Variants in CCDC170 observed in about 807,000 individuals in gnomAD.
CCDC170 encodes coiled-coil domain-containing protein 170.
A neutral mutation model predicts 72.6 loss-of-function variants in CCDC170; 69 were observed. That is an observed-to-expected ratio of 0.95 (90% CI 0.78 to 1.16). The LOEUF is 1.16. CCDC170 is among the 50% of genes most tolerant of loss of function. CCDC170 has a pLI of 0.00. For missense variants in CCDC170, 852 were observed against 832.5 expected (o/e 1.02, Z -0.29); for synonymous variants, 300 against 303.9 (o/e 0.99, Z 0.13).
intron 5 of CCDC170, among the ~76,000 whole-genome samples, chr6:151,558,998 C>T (rs527683404): frequency 3.2e-4 from 46 of 144,586 alleles, no homozygotes; most frequent in African/African-American, 1.1e-3. Context: ...GGTCATTTAA[C>T]AACATTAATT....
In CCDC170 at chr6:151,618,921, A is replaced by G. The variant is rs1777014133; in HGVS notation, c.*774A>G. Reference sequence around the variant, plus strand: ...AACTACTCAGCAGGAGAAGCACTTGAACCCAGGAGACGGAGGCGGCAGTGA... The same window carrying G: ...AACTACTCAGCAGGAGAAGCACTTGGACCCAGGAGACGGAGGCGGCAGTGA... On this transcript the variant is annotated 3_prime_UTR_variant, in exon 11 of 11. Transcript: ENST00000239374. 1 of 148,750 alleles carries G rather than the reference A, an allele frequency of 6.7e-6. No individual in the cohort carries two copies. Among genetic ancestry groups the G allele is most frequent in the African/African-American group, 2.5e-5 (1 of 40,586 alleles). 9.2% of individuals were successfully genotyped at this position (148,750 alleles called of 1,614,324 possible). A position where few individuals can be genotyped will look rare whatever the true frequency, so the allele number is the denominator to read the frequency against.
chr6:151,504,380 T>G (rs1782037768), intron 1 of CCDC170, among the ~76,000 whole-genome samples: 1 of 152,190 alleles, frequency 6.6e-6, no homozygotes, highest in Non-Finnish European at 1.5e-5. Context: ...GGAGCTTACT[T>G]ACAGTTGAGT....
intron 7 of CCDC170, among the ~76,000 whole-genome samples, chr6:151,587,060 A>G (rs1234421373): frequency 2.0e-5 from 3 of 152,136 alleles, no homozygotes; most frequent in Admixed American, 1.3e-4. Flanking sequence ...CTGGGATTAC[A>G]GGTGTGAGCC....
At chr6:151,601,753 A>C (rs1776713688) in intron 9 of CCDC170, among the ~76,000 whole-genome samples, 1 of 152,156 alleles carries the variant, frequency 6.6e-6, no homozygotes, top group African/African-American at 2.4e-5. Context: ...TGTTGAGGGA[A>C]GCTCATTGTC....
chr6:151,570,899 G>A lies in CCDC170; in HGVS notation c.775-2275G>A, dbSNP rs376392790. 3.3e-5 allele frequency among the ~76,000 whole-genome samples: 5 copies of A among 152,306 alleles called. No homozygotes were observed. In the East Asian group the frequency reaches 7.7e-4, roughly 23 times the overall value. Reference sequence around the variant, plus strand: ...TACAGACATGACTAGTTTAGCAAAGGAAAGGGGAAACCAAGACCTTGAAAA... The same window carrying A: ...TACAGACATGACTAGTTTAGCAAAGAAAAGGGGAAACCAAGACCTTGAAAA... On this transcript the variant is annotated intron_variant, in intron 5 of 10. Transcript: ENST00000239374.
At chr6:151,536,217 A>G in intron 1 of CCDC170, 101 bp from the exon 2 acceptor site, 1 of 1,357,538 alleles carries the variant, frequency 7.4e-7, no homozygotes, top group Non-Finnish European at 1.0e-6. Flanking sequence ...TATTTGGAAT[A>G]CAAAGAATGC....
intron 5 of CCDC170, among the ~76,000 whole-genome samples, chr6:151,560,861 A>C (rs1371897957): frequency 6.6e-6 from 1 of 152,152 alleles, no homozygotes; most frequent in African/African-American, 2.4e-5. Flanking sequence ...ATTACATGCA[A>C]GATGGGTCTC....
At chr6:151,592,647 A>G (rs1396005571) in intron 7 of CCDC170, among the ~76,000 whole-genome samples, 1 of 152,142 alleles carries the variant, frequency 6.6e-6, no homozygotes, top group East Asian at 1.9e-4. Context: ...ATCTTCCACT[A>G]GGTCCCTCCC....
At chr6:151,547,255 A>G (rs903008899) in intron 4 of CCDC170, among the ~76,000 whole-genome samples, 12 of 152,200 alleles carry the variant, frequency 7.9e-5, no homozygotes, top group African/African-American at 2.7e-4. Context: ...TGCTGGAGAG[A>G]TAGCAGTGAA....
intron 9 of CCDC170, among the ~76,000 whole-genome samples, 199 bp downstream of exon 9, chr6:151,596,776 T>C (rs1776632705): frequency 1.3e-5 from 2 of 152,214 alleles, no homozygotes; most frequent in Non-Finnish European, 2.9e-5. Context: ...ATATCTGAAG[T>C]GAAGCCATCA....
intron 5 of CCDC170, among the ~76,000 whole-genome samples, chr6:151,561,914 T>A (rs1776039932): frequency 6.6e-6 from 1 of 152,186 alleles, no homozygotes; most frequent in South Asian, 2.1e-4. Flanking sequence ...TGTTCATTTT[T>A]AAAATTATTT....
intron 5 of CCDC170, among the ~76,000 whole-genome samples, chr6:151,565,844 G>A (rs2115079418): frequency 6.6e-6 from 1 of 152,238 alleles, no homozygotes; most frequent in East Asian, 1.9e-4. Context: ...TTTAAAATCA[G>A]TTAAATCCAT....
At chr6:151,526,618 C>T (rs553924046) in intron 1 of CCDC170, among the ~76,000 whole-genome samples, 19 of 150,284 alleles carry the variant, frequency 1.3e-4, no homozygotes, top group South Asian at 6.4e-4. Flanking sequence ...TGGGTCCAAG[C>T]GATTCTCCTG....
chr6:151,499,110 G>T (rs1047466871), intron 1 of CCDC170, among the ~76,000 whole-genome samples: 10 of 134,200 alleles, frequency 7.5e-5, no homozygotes, highest in South Asian at 2.5e-4. Context: ...TTCTAGGCAT[G>T]CTGTATAAGT....
At chr6:151,522,751 G>A (rs1386125169) in intron 1 of CCDC170, among the ~76,000 whole-genome samples, 2 of 152,148 alleles carry the variant, frequency 1.3e-5, no homozygotes, top group African/African-American at 4.8e-5. Context: ...TGTTATATTC[G>A]AGTGCTATTC....
intron 9 of CCDC170, among the ~76,000 whole-genome samples, chr6:151,598,591 A>T (rs1776658981): frequency 6.6e-6 from 1 of 152,182 alleles, no homozygotes. Flanking sequence ...TCACAAGTCA[A>T]ATAATAGATA....
At position 151,543,512 on chromosome 6, in the gene CCDC170, C is replaced by T. The variant is rs145649733; in HGVS notation, c.444-1060C>T. On this transcript the variant is annotated intron_variant, in intron 3 of 10. Transcript: ENST00000239374. ...AAACTAAATTCTTGTTAACTGTATT[C>T]ACCCTACTGTGCTACAGAACACTAG... Among the ~76,000 whole-genome samples, 43 of 152,212 alleles carry T rather than the reference C, an allele frequency of 2.8e-4. No individual in the cohort carries two copies. The East Asian group carries it at 7.5e-3, about 27-fold the overall frequency.
At chr6:151,582,618 G>T (rs186229753) in intron 6 of CCDC170, among the ~76,000 whole-genome samples, 2 of 152,312 alleles carry the variant, frequency 1.3e-5, no homozygotes, top group East Asian at 3.9e-4. Context: ...AAGAAAAGAG[G>T]TTTATTTGGC....
At chr6:151,569,657 C>T (rs922745535) in intron 5 of CCDC170, among the ~76,000 whole-genome samples, 24 of 152,174 alleles carry the variant, frequency 1.6e-4, no homozygotes, top group African/African-American at 4.1e-4. Flanking sequence ...CTTGCTTCGG[C>T]GTATCCTTGA....
Sources: gnomAD v4.1 joint callset for allele counts (sites outside exome capture counted in the v4.1 genomes callset) on GRCh38, gnomAD v4.1.1 for gene constraint, MANE v1.5 for transcripts, NCBI Gene and HGNC (gene_info 2026-07-23, HGNC 2026-07-21) for gene names.